The following ADGRB3 variants were observed in gnomAD, a reference collection of about 807,000 sequenced individuals.
ADGRB3 encodes brain-specific angiogenesis inhibitor 3.
In ADGRB3, 37 loss-of-function variants were observed where a neutral mutation model predicts 193.4. The observed-to-expected ratio is 0.19, with a 90% CI of 0.15 to 0.25. The LOEUF is 0.25. ADGRB3 is among the 10% of genes least tolerant of loss of function. The pLI, the probability that ADGRB3 is intolerant of heterozygous loss-of-function variation, is 1.00. For missense variants in ADGRB3, 1,637 were observed against 1,852.9 expected (o/e 0.88, Z 2.14); for synonymous variants, 690 against 644.2 (o/e 1.07, Z -1.08).
At chr6:68,727,588 T>A (rs1422328408) in intron 3 of ADGRB3, among the ~76,000 whole-genome samples, 2 of 151,490 alleles carry the variant, frequency 1.3e-5, no homozygotes, top group East Asian at 3.9e-4. Flanking sequence ...CTCCTATTTT[T>A]CCTGAAAAGT....
chr6:69,083,136 A>T lies in ADGRB3; in HGVS notation c.2480+7098A>T, dbSNP rs7745778. Among the ~76,000 whole-genome samples, 478 of 152,348 alleles carry T rather than the reference A, an allele frequency of 3.1e-3. 2 individuals are homozygous for T. Among genetic ancestry groups the T allele is most frequent in the African/African-American group, 0.011 (461 of 41,582 alleles). Reference sequence around the variant, plus strand: ...TTATTGCTGGAAATTGGAAATTTAAATCCATATCTCCTCATATGTATAGTT... The same window carrying T: ...TTATTGCTGGAAATTGGAAATTTAATTCCATATCTCCTCATATGTATAGTT... On this transcript the variant is annotated intron_variant, in intron 17 of 31. Coordinates refer to ENST00000370598, the MANE Select transcript of ADGRB3 (RefSeq NM_001704.3).
At chr6:69,198,948 G>C (rs1428354950) in intron 17 of ADGRB3, among the ~76,000 whole-genome samples, 1 of 152,078 alleles carries the variant, frequency 6.6e-6, no homozygotes, top group Non-Finnish European at 1.5e-5. Flanking sequence ...AAGCTCAAGT[G>C]CCAGGCTCGT....
At chr6:69,238,898 GA>G (rs1428000395) in intron 19 of ADGRB3, among the ~76,000 whole-genome samples, 2 of 151,258 alleles carry the variant, frequency 1.3e-5, no homozygotes, top group African/African-American at 2.4e-5. Context: ...CAATGTCTAA[GA>G]AAAAAAAATT....
At chr6:69,230,862 A>G (rs553214953) in intron 17 of ADGRB3, among the ~76,000 whole-genome samples, 6 of 152,310 alleles carry the variant, frequency 3.9e-5, no homozygotes, top group Admixed American at 1.3e-4. Context: ...TAAATTTGGT[A>G]AAGCACATTA....
intron 17 of ADGRB3, among the ~76,000 whole-genome samples, chr6:69,149,727 T>G (rs553176959): frequency 6.6e-6 from 1 of 152,242 alleles, no homozygotes; most frequent in Non-Finnish European, 1.5e-5. Flanking sequence ...TTGGATGCTG[T>G]GACCTAAGTC....
intron 3 of ADGRB3, among the ~76,000 whole-genome samples, chr6:68,926,279 CT>C (rs1767178221): frequency 6.6e-6 from 1 of 152,002 alleles, no homozygotes; most frequent in Non-Finnish European, 1.5e-5. Context: ...GTAAGACAAT[CT>C]AATAATTATA....
At chr6:69,191,776 T>C (rs1458363870) in intron 17 of ADGRB3, among the ~76,000 whole-genome samples, 1 of 151,936 alleles carries the variant, frequency 6.6e-6, no homozygotes, top group Non-Finnish European at 1.5e-5. Flanking sequence ...ACAAAGAAAT[T>C]TAGATTAAGT....
intron 17 of ADGRB3, among the ~76,000 whole-genome samples, chr6:69,101,056 C>T (rs192154254): frequency 2.1e-4 from 31 of 150,818 alleles, no homozygotes; most frequent in Non-Finnish European, 3.5e-4. Flanking sequence ...CATAGGGTAA[C>T]GCATTTCCTA....
intron 11 of ADGRB3, among the ~76,000 whole-genome samples, chr6:68,995,788 C>T (rs1031608102): frequency 1.3e-5 from 2 of 152,162 alleles, no homozygotes; most frequent in African/African-American, 4.8e-5. Context: ...CCTCTCCCAT[C>T]TCTGCCTGTC....
chr6:69,276,258 G>A (rs763850143), intron 20 of ADGRB3, among the ~76,000 whole-genome samples: 34 of 152,136 alleles, frequency 2.2e-4, no homozygotes, highest in Non-Finnish European at 4.9e-4. Context: ...TAGGAAATTT[G>A]AACCATGTTA....
chr6:68,987,884 G>C (rs529242199), intron 10 of ADGRB3, among the ~76,000 whole-genome samples: 2 of 152,242 alleles, frequency 1.3e-5, no homozygotes, highest in South Asian at 4.1e-4. Context: ...GTATATAACT[G>C]TAGATGTCTA....
chr6:68,711,962 T>G (rs1765415482), intron 3 of ADGRB3, among the ~76,000 whole-genome samples: 1 of 152,070 alleles, frequency 6.6e-6, no homozygotes, highest in Non-Finnish European at 1.5e-5. Context: ...TACTTCATTA[T>G]GAAGGCATAG....
At chr6:68,792,566 G>A (rs536157694) in intron 3 of ADGRB3, among the ~76,000 whole-genome samples, 1 of 152,114 alleles carries the variant, frequency 6.6e-6, no homozygotes, top group South Asian at 2.1e-4. Flanking sequence ...GTTGGTATTT[G>A]TGTTGTCCTG....
At chr6:68,908,549 C>A (rs1386318546) in intron 3 of ADGRB3, among the ~76,000 whole-genome samples, 2 of 152,100 alleles carry the variant, frequency 1.3e-5, no homozygotes, top group African/African-American at 2.4e-5. Context: ...CCCTATCCAA[C>A]CTCACCCAAT....
chr6:68,914,037 AC>A (rs1766802465), intron 3 of ADGRB3, among the ~76,000 whole-genome samples: 1 of 151,702 alleles, frequency 6.6e-6, no homozygotes, highest in Non-Finnish European at 1.5e-5. Context: ...GAAATATGGG[AC>A]TATGTGAAAA....
At chr6:69,074,711 A>T (rs984245157) in intron 16 of ADGRB3, among the ~76,000 whole-genome samples, 3 of 151,534 alleles carry the variant, frequency 2.0e-5, no homozygotes, top group African/African-American at 4.8e-5. Flanking sequence ...CGTCCTGCTA[A>T]TTTTTTTGTA....
chr6:68,869,534 A>C (rs1343182950), intron 3 of ADGRB3, among the ~76,000 whole-genome samples: 1 of 152,132 alleles, frequency 6.6e-6, no homozygotes, highest in Admixed American at 6.5e-5. Flanking sequence ...ATGCTGACAA[A>C]TTTTAGCAAG....
intron 26 of ADGRB3, among the ~76,000 whole-genome samples, chr6:69,343,048 G>A (rs1185888884): frequency 6.6e-6 from 1 of 151,856 alleles, no homozygotes; most frequent in Non-Finnish European, 1.5e-5. Flanking sequence ...CACAGGGGAA[G>A]AATATAGCCT....
intron 15 of ADGRB3, among the ~76,000 whole-genome samples, chr6:69,050,885 T>C (rs966128894): frequency 3.3e-5 from 5 of 152,194 alleles, no homozygotes; most frequent in Non-Finnish European, 5.9e-5. Context: ...AAATGAAATA[T>C]TCAACATAAA....
Sources: allele counts gnomAD v4.1 joint callset (sites outside exome capture counted in the v4.1 genomes callset), GRCh38; gene constraint gnomAD v4.1.1; transcripts MANE v1.5; gene names NCBI Gene and HGNC (gene_info 2026-07-23, HGNC 2026-07-21).